Variants in TAB2 observed in about 807,000 individuals in gnomAD.
The protein encoded by TAB2 is TGF-beta activated kinase 1 (MAP3K7) binding protein 2.
Under a neutral mutation model 65.0 loss-of-function variants are expected in TAB2, and 3 were observed. The ratio of observed to expected loss-of-function variants is 0.05; its 90% CI spans 0.02 to 0.12. The LOEUF is 0.12. Among genes scored for constraint, TAB2 ranks in the 10% least tolerant of loss-of-function variants. The pLI is 1.00. For synonymous variants in TAB2, 298 were observed against 285.1 expected (o/e 1.05, Z -0.46); for missense variants, 623 against 840.3 (o/e 0.74, Z 3.20).
intron 2 of TAB2, among the ~76,000 whole-genome samples, chr6:149,375,747 A>T (rs1781376916): frequency 6.6e-6 from 1 of 152,216 alleles, no homozygotes; most frequent in Non-Finnish European, 1.5e-5. Flanking sequence ...AGATCTAATT[A>T]TAATAGGAAT....
intron 2 of TAB2, among the ~76,000 whole-genome samples, chr6:149,373,062 G>T (rs1781282556): frequency 6.6e-6 from 1 of 152,106 alleles, no homozygotes; most frequent in Non-Finnish European, 1.5e-5. Context: ...TTTCTCTTAA[G>T]TTTATCTGTT....
At chr6:149,225,523 T>G (rs1242717402) in intron 1 of TAB2, among the ~76,000 whole-genome samples, 1 of 152,152 alleles carries the variant, frequency 6.6e-6, no homozygotes, top group East Asian at 1.9e-4. Flanking sequence ...AAAGCCAACA[T>G]CTTCTTGCAG....
chr6:149,393,009 A>G (rs1433219048), intron 3 of TAB2, among the ~76,000 whole-genome samples: 1 of 152,114 alleles, frequency 6.6e-6, no homozygotes, highest in African/African-American at 2.4e-5. Context: ...ATTCACTTTG[A>G]CCCCTTTTTT....
intron 1 of TAB2, among the ~76,000 whole-genome samples, chr6:149,219,344 A>G (rs1324921120): frequency 1.5e-5 from 2 of 130,054 alleles, no homozygotes; most frequent in African/African-American, 6.4e-5. Context: ...GTGTGTGTGT[A>G]CTGGGACAAG....
At chr6:149,310,868 A>G (rs563319140) in intron 1 of TAB2, among the ~76,000 whole-genome samples, 1 of 151,892 alleles carries the variant, frequency 6.6e-6, no homozygotes, top group Non-Finnish European at 1.5e-5. Flanking sequence ...TTTCTCCCTC[A>G]CCCCCTATTT....
chr6:149,298,269 A>C (rs903101792), intron 1 of TAB2, among the ~76,000 whole-genome samples: 1 of 150,586 alleles, frequency 6.6e-6, no homozygotes, highest in Non-Finnish European at 1.5e-5. Context: ...ATAGTTTTTA[A>C]ATCATTAGAA....
At chr6:149,325,369 G>T (rs1331542037) in intron 1 of TAB2, among the ~76,000 whole-genome samples, 1 of 152,104 alleles carries the variant, frequency 6.6e-6, no homozygotes, top group Non-Finnish European at 1.5e-5. Context: ...GCTTCGTTAG[G>T]TTTTTTCTTC....
intron 1 of TAB2, among the ~76,000 whole-genome samples, chr6:149,292,264 A>G (rs995570027): frequency 7.2e-5 from 11 of 152,240 alleles, no homozygotes; most frequent in Admixed American, 3.3e-4. Flanking sequence ...TTTAGTACAT[A>G]TTTTACAACA....
At chr6:149,219,674 C>G (rs1043170289) in intron 1 of TAB2, among the ~76,000 whole-genome samples, 1 of 152,134 alleles carries the variant, frequency 6.6e-6, no homozygotes, top group South Asian at 2.1e-4. Flanking sequence ...CTGATTCACC[C>G]GCTGCACCTT....
chr6:149,404,463 A>T (rs1043430246), intron 6 of TAB2, among the ~76,000 whole-genome samples: 3 of 152,222 alleles, frequency 2.0e-5, no homozygotes, highest in African/African-American at 7.2e-5. Context: ...ACCAGAAAAG[A>T]CCCTGAATAG....
In TAB2 at chr6:149,403,639, G is replaced by A. The variant is rs550493803; in HGVS notation, c.1939+4455G>A. Among the ~76,000 whole-genome samples the A allele has an allele frequency of 1.5e-4, 23 of 151,970 alleles. No homozygotes were observed. In the South Asian group the frequency reaches 3.5e-3, roughly 23 times the overall value. On this transcript the variant is annotated intron_variant, in intron 6 of 6. Transcript: ENST00000637181. Reference sequence around the variant, plus strand: ...ACAGTTCTGCAGAAAGCATGTCACCGATACCCACATGCTTTCTGTATAGGA... The same window carrying A: ...ACAGTTCTGCAGAAAGCATGTCACCAATACCCACATGCTTTCTGTATAGGA...
At chr6:149,355,781 T>C (rs1220032332) in intron 1 of TAB2, among the ~76,000 whole-genome samples, 1 of 152,182 alleles carries the variant, frequency 6.6e-6, no homozygotes, top group Non-Finnish European at 1.5e-5. Flanking sequence ...TGACACTGTT[T>C]ACCTGTGTGC....
chr6:149,399,049 G>T, intron 5 of TAB2, 55 bp from the exon 6 acceptor site: 1 of 1,446,696 alleles, frequency 6.9e-7, no homozygotes, highest in Non-Finnish European at 9.7e-7. Context: ...GTTTTAAAAA[G>T]TAAAGTTGTT....
intron 1 of TAB2, among the ~76,000 whole-genome samples, chr6:149,280,400 T>C (rs1438255667): frequency 6.6e-6 from 1 of 152,178 alleles, no homozygotes; most frequent in African/African-American, 2.4e-5. Context: ...TCACACCTGA[T>C]TAGGAGCCCA....
chr6:149,375,933 A>G (rs754719355), intron 2 of TAB2, among the ~76,000 whole-genome samples: 9 of 152,138 alleles, frequency 5.9e-5, no homozygotes, highest in African/African-American at 2.2e-4. Flanking sequence ...TGTTGAAACA[A>G]TGTGAACTGT....
At chr6:149,405,601 C>T (rs1782636431) in intron 6 of TAB2, among the ~76,000 whole-genome samples, 1 of 152,188 alleles carries the variant, frequency 6.6e-6, no homozygotes, top group African/African-American at 2.4e-5. Context: ...TTTGTGATAA[C>T]ATGGGTGAAC....
chr6:149,317,260 C>T (rs475342), upstream of TAB2, among the ~76,000 whole-genome samples: 58,827 of 151,568 alleles, frequency 0.39, 11,431 homozygotes, highest in East Asian at 0.46. The surrounding 1 kb of genome is among the most constrained non-coding windows in gnomAD (Gnocchi z 4.7). Context: ...GAAAGGGGGT[C>T]CCAGCCCTCC....
At chr6:149,387,985 G>T (rs1236670389) in intron 3 of TAB2, among the ~76,000 whole-genome samples, 5 of 152,134 alleles carry the variant, frequency 3.3e-5, no homozygotes, top group African/African-American at 1.2e-4. Context: ...ACACATAATT[G>T]TACCCATGTC....
At chr6:149,385,371 T>C (rs1781756302) in intron 3 of TAB2, among the ~76,000 whole-genome samples, 1 of 152,202 alleles carries the variant, frequency 6.6e-6, no homozygotes, top group Non-Finnish European at 1.5e-5. Flanking sequence ...AATCACTTTA[T>C]TAAATAAAAG....
Sources: gnomAD v4.1 joint callset for allele counts (sites outside exome capture counted in the v4.1 genomes callset) on GRCh38, gnomAD v4.1.1 for gene constraint, Gnocchi (gnomAD v3.1) non-coding constraint, MANE v1.5 for transcripts, NCBI Gene and HGNC (gene_info 2026-07-23, HGNC 2026-07-21) for gene names.